Variants in PLCE1 observed in about 807,000 individuals in gnomAD.
PLCE1 encodes phospholipase C epsilon 1, also known as 1-phosphatidylinositol 4,5-bisphosphate phosphodiesterase epsilon-1.
Under a neutral mutation model 242.8 loss-of-function variants are expected in PLCE1, and 119 were observed. The ratio of observed to expected loss-of-function variants is 0.49; its 90% CI spans 0.42 to 0.57. The LOEUF (loss-of-function observed/expected upper bound fraction) is 0.57. PLCE1 is among the 20% of genes least tolerant of loss of function. The pLI is 0.00. For synonymous variants in PLCE1, 945 were observed against 1,017.4 expected (o/e 0.93, Z 1.35); for missense variants, 2,441 against 2,788.8 (o/e 0.88, Z 2.81).
At chr10:94,051,071 A>G (rs760380565) in intron 2 of PLCE1, among the ~76,000 whole-genome samples, 1 of 152,232 alleles carries the variant, frequency 6.6e-6, no homozygotes, top group East Asian at 1.9e-4. Context: ...TGGAAACTTG[A>G]AAAGATCTCC....
At chr10:94,258,243 G>A (rs907799710) in intron 11 of PLCE1, among the ~76,000 whole-genome samples, 3 of 152,146 alleles carry the variant, frequency 2.0e-5, no homozygotes, top group Non-Finnish European at 4.4e-5. Context: ...GAGATTATAA[G>A]CATGAGCCAC....
At chr10:94,109,959 A>C (rs529757187) in intron 2 of PLCE1, among the ~76,000 whole-genome samples, 1 of 151,886 alleles carries the variant, frequency 6.6e-6, no homozygotes, top group East Asian at 1.9e-4. Context: ...GTTCAGAGGA[A>C]CATTTCACAT....
At chr10:94,172,531 C>T (rs2136333230) in intron 4 of PLCE1, among the ~76,000 whole-genome samples, 1 of 152,234 alleles carries the variant, frequency 6.6e-6, no homozygotes, top group African/African-American at 2.4e-5. Context: ...TCCTGTGTTA[C>T]ATAAACACTT....
At chr10:94,114,820 A>G (rs2046070147) in intron 2 of PLCE1, among the ~76,000 whole-genome samples, 1 of 151,528 alleles carries the variant, frequency 6.6e-6, no homozygotes, top group African/African-American at 2.4e-5. Flanking sequence ...CACAACGTGC[A>G]GATTTGTTAC....
Position 94,273,563 on chromosome 10 carries a change from CTG to C in PLCE1, c.4512_4513del (p.Phe1505TrpfsTer7), listed in dbSNP as rs1347203711. 6.2e-7 allele frequency: 1 copy of C among 1,613,148 alleles called. No individual in the cohort carries two copies. Among genetic ancestry groups the C allele is most frequent in the Non-Finnish European group, 8.5e-7 (1 of 1,179,226 alleles). The stretch of plus-strand genomic sequence containing the variant: ...TATGTTTTCCTTCATTCTTTTTAGA[CTG>C]TGTTTGGAGAAAAGCTGGTGACTAA... On this transcript the variant is annotated frameshift_variant and splice_region_variant, in exon 19 of 33. Coordinates refer to ENST00000371380, the MANE Select transcript of PLCE1 (RefSeq NM_016341.4). LOFTEE classifies it high-confidence loss of function.
chr10:94,022,008 T>C (rs1390751327), intron 1 of PLCE1, among the ~76,000 whole-genome samples: 4 of 152,032 alleles, frequency 2.6e-5, no homozygotes, highest in African/African-American at 4.8e-5. Flanking sequence ...TAAAGATGTA[T>C]GCTCTTAGTA....
intron 3 of PLCE1, among the ~76,000 whole-genome samples, chr10:94,147,072 C>T (rs1311280673): frequency 6.6e-6 from 1 of 152,126 alleles, no homozygotes; most frequent in African/African-American, 2.4e-5. Context: ...TGTCTCTCTC[C>T]CCCAACAGTT....
chr10:94,282,463 A>G (rs1480441509), intron 20 of PLCE1, among the ~76,000 whole-genome samples: 1 of 152,190 alleles, frequency 6.6e-6, no homozygotes, highest in Non-Finnish European at 1.5e-5. Context: ...TGACAATGAC[A>G]GCACAATTCC....
Position 94,103,683 on chromosome 10 carries a change from A to G in PLCE1, c.1207-28491A>G, listed in dbSNP as rs191575997. Among the ~76,000 whole-genome samples the G allele has an allele frequency of 4.2e-3, 646 of 152,340 alleles. 1 individual carries two copies. Among genetic ancestry groups the G allele is most frequent in the African/African-American group, 0.014 (565 of 41,582 alleles). ...GGAAGAAAGAAATTTGCTGTAGGCA[A>G]TTCTAAGTGTTGAGCTAAAATGAAG... is the stretch of plus-strand genomic sequence containing the variant. On this transcript the variant is annotated intron_variant, in intron 2 of 32. Transcript: ENST00000371380.
intron 4 of PLCE1, among the ~76,000 whole-genome samples, chr10:94,220,971 A>G (rs560539270): frequency 6.6e-6 from 1 of 152,222 alleles, no homozygotes; most frequent in East Asian, 1.9e-4. Flanking sequence ...AATGGGTTAC[A>G]GTCTCAATCT....
intron 23 of PLCE1, among the ~76,000 whole-genome samples, chr10:94,297,773 T>C (rs935777430): frequency 7.9e-5 from 12 of 152,204 alleles, no homozygotes; most frequent in African/African-American, 2.9e-4. Context: ...CTTTAATGCT[T>C]GTGTGGTGGT....
intron 11 of PLCE1, 144 bp downstream of exon 11, chr10:94,255,193 T>A: frequency 1.1e-6 from 1 of 922,312 alleles, no homozygotes; most frequent in Middle Eastern, 3.3e-4. Flanking sequence ...CCCAAAATTT[T>A]AAATGATCCT....
At chr10:94,013,098 G>A (rs888604266) in intron 1 of PLCE1, among the ~76,000 whole-genome samples, 51 of 152,218 alleles carry the variant, frequency 3.4e-4, no homozygotes, top group Non-Finnish European at 2.9e-5. Context: ...CCCAAGGCAG[G>A]AAGCATCTTT....
At chr10:94,250,268 G>A (rs568234936) in intron 8 of PLCE1, among the ~76,000 whole-genome samples, 3 of 152,064 alleles carry the variant, frequency 2.0e-5, no homozygotes, top group Admixed American at 1.3e-4. Context: ...TTGGGAGGCC[G>A]AAGTGGGTGG....
intron 8 of PLCE1, among the ~76,000 whole-genome samples, chr10:94,250,782 T>C (rs1377961380): frequency 1.3e-5 from 2 of 152,246 alleles, no homozygotes; most frequent in African/African-American, 4.8e-5. Context: ...ATTAAGCTTT[T>C]AAAGATGTAT....
Position 94,246,684 on chromosome 10 carries a change from AC to A in PLCE1, c.3096+65del, listed in dbSNP as rs2137523887. The A allele has an allele frequency of 5.5e-6, 8 of 1,444,220 alleles. No homozygotes were observed. The South Asian group carries it at 9.4e-5, about 17-fold the overall frequency. 89.5% of individuals were successfully genotyped at this position (1,444,220 alleles called of 1,614,324 possible). A position where few individuals can be genotyped will look rare whatever the true frequency, so the allele number is the denominator to read the frequency against. On this transcript the variant is annotated intron_variant, in intron 8 of 32. Coordinates refer to ENST00000371380, the MANE Select transcript of PLCE1 (RefSeq NM_016341.4). ...AATACTCAAGAGCACACACTGGGTG[AC>A]CAGACCACCAGGTTCATGCTCCCAG...
chr10:94,321,033 A>G (rs117879002), intron 29 of PLCE1, among the ~76,000 whole-genome samples: 1 of 152,220 alleles, frequency 6.6e-6, no homozygotes, highest in African/African-American at 2.4e-5. Context: ...CTGTAGATAC[A>G]TAATCCACCA....
At chr10:94,086,523 C>G (rs2044831777) in intron 2 of PLCE1, among the ~76,000 whole-genome samples, 1 of 152,208 alleles carries the variant, frequency 6.6e-6, no homozygotes, top group African/African-American at 2.4e-5. Context: ...TAACACTGTC[C>G]AATCTCTCTT....
At chr10:94,128,752 C>T (rs532336316) in intron 2 of PLCE1, among the ~76,000 whole-genome samples, 2 of 152,310 alleles carry the variant, frequency 1.3e-5, no homozygotes, top group Admixed American at 1.3e-4. Context: ...TAAATATCTA[C>T]ATCCGTATCT....
Sources: allele counts gnomAD v4.1 joint callset (sites outside exome capture counted in the v4.1 genomes callset), GRCh38; gene constraint gnomAD v4.1.1; transcripts MANE v1.5; gene names NCBI Gene and HGNC (gene_info 2026-07-23, HGNC 2026-07-21).